Variants in CYP2C19 observed in about 807,000 individuals in gnomAD.
CYP2C19 encodes cytochrome P450 2C19.
Under a neutral mutation model 40.9 loss-of-function variants are expected in CYP2C19, and 59 were observed. The observed-to-expected ratio is 1.44, with a 90% CI of 1.17 to 1.79. The LOEUF is 1.79. CYP2C19 is among the 40% of genes most tolerant of loss of function. The probability of loss-of-function intolerance (pLI) is 0.00; values close to 1 mark genes in which losing one functional copy is unlikely to be tolerated. For missense variants in CYP2C19, 754 were observed against 596.9 expected, an observed-to-expected ratio of 1.26 and a Z score of -2.74; for synonymous variants, 253 against 208.7, an observed-to-expected ratio of 1.21 and a Z score of -1.83.
At chr10:94,784,579 C>T (rs973495584) in intron 5 of CYP2C19, among the ~76,000 whole-genome samples, 1 of 151,942 alleles carries the variant, frequency 6.6e-6, no homozygotes, top group Non-Finnish European at 1.5e-5. Context: ...TATTAAAGCC[C>T]TCCTAGTGAA....
chr10:94,762,921 G>A (rs1339803821), intron 1 of CYP2C19, 48 bp downstream of exon 1: 2 of 1,540,202 alleles, frequency 1.3e-6, no homozygotes, highest in Non-Finnish European at 1.8e-6. Context: ...AAATTCACCT[G>A]TATTTTTTAA....
chr10:94,822,045 G>T (rs1175724685), intron 6 of CYP2C19, among the ~76,000 whole-genome samples: 1 of 152,040 alleles, frequency 6.6e-6, no homozygotes, highest in Non-Finnish European at 1.5e-5. Flanking sequence ...GGTGGTATTT[G>T]GTTTTCTGTT....
At chr10:94,767,748 T>TCC (rs1848267762) in intron 1 of CYP2C19, among the ~76,000 whole-genome samples, 1 of 152,184 alleles carries the variant, frequency 6.6e-6, no homozygotes, top group South Asian at 2.1e-4. Flanking sequence ...TTAAGTATTT[T>TCC]CCACTGGCTG....
intron 3 of CYP2C19, among the ~76,000 whole-genome samples, chr10:94,777,202 A>G (rs902422809): frequency 1.3e-5 from 2 of 152,198 alleles, no homozygotes; most frequent in African/African-American, 4.8e-5. Context: ...GTAAGAATCA[A>G]TATTGTGAAA....
At chr10:94,820,993 G>A (rs570966817) in intron 6 of CYP2C19, among the ~76,000 whole-genome samples, 3 of 152,298 alleles carry the variant, frequency 2.0e-5, no homozygotes, top group African/African-American at 7.2e-5. Context: ...TGAGGCATGG[G>A]AATCGCTTGA....
intron 6 of CYP2C19, among the ~76,000 whole-genome samples, chr10:94,824,492 A>G (rs963192309): frequency 1.3e-5 from 2 of 152,164 alleles, no homozygotes; most frequent in Non-Finnish European, 2.9e-5. Context: ...GCAGACTCTC[A>G]CACACACAAG....
chr10:94,834,455 A>G (rs1459349452), intron 6 of CYP2C19, among the ~76,000 whole-genome samples: 1 of 151,390 alleles, frequency 6.6e-6, no homozygotes, highest in Non-Finnish European at 1.5e-5. Flanking sequence ...TTTTTGTTGC[A>G]TTGACATTTT....
At chr10:94,770,712 A>G (rs1268724500) in intron 1 of CYP2C19, among the ~76,000 whole-genome samples, 1 of 152,164 alleles carries the variant, frequency 6.6e-6, no homozygotes, top group East Asian at 1.9e-4. Context: ...CGAGGAAAGC[A>G]GAAGGATTTT....
chr10:94,779,034 G>A (rs1003871436), intron 3 of CYP2C19, among the ~76,000 whole-genome samples: 2 of 152,094 alleles, frequency 1.3e-5, no homozygotes, highest in Non-Finnish European at 1.5e-5. Context: ...AACACTGCAT[G>A]TTCTCACTTA....
At chr10:94,767,488 A>T (rs768502455) in intron 1 of CYP2C19, among the ~76,000 whole-genome samples, 1 of 152,204 alleles carries the variant, frequency 6.6e-6, no homozygotes, top group Non-Finnish European at 1.5e-5. Flanking sequence ...AACACAGACC[A>T]ACAAGTATTG....
intron 5 of CYP2C19, among the ~76,000 whole-genome samples, chr10:94,784,904 A>C (rs1345677149): frequency 6.6e-6 from 1 of 152,008 alleles, no homozygotes; most frequent in Non-Finnish European, 1.5e-5. Context: ...TTGTGGTTTT[A>C]ACTTGTATTT....
intron 6 of CYP2C19, among the ~76,000 whole-genome samples, chr10:94,827,981 A>G (rs1218019719): frequency 1.3e-5 from 2 of 151,580 alleles, no homozygotes; most frequent in African/African-American, 4.9e-5. Context: ...GTTTTGAGTG[A>G]GTTTCTTAAT....
chr10:94,781,025 AC>A (rs1161173990), intron 4 of CYP2C19, among the ~76,000 whole-genome samples: 1 of 152,070 alleles, frequency 6.6e-6, no homozygotes, highest in African/African-American at 2.4e-5. Context: ...CCTTCAATTC[AC>A]ACTTTGTCAT....
intron 5 of CYP2C19, among the ~76,000 whole-genome samples, chr10:94,790,309 C>T (rs1327609918): frequency 6.6e-6 from 1 of 152,104 alleles, no homozygotes; most frequent in African/African-American, 2.4e-5. Context: ...AATTTGACTT[C>T]CTCTTTTCCT....
chr10:94,853,509 T>G lies in CYP2C19; in HGVS notation c.*595T>G, dbSNP rs986290374. On this transcript the variant is annotated 3_prime_UTR_variant, in exon 9 of 9. Coordinates refer to ENST00000371321, the MANE Select transcript of CYP2C19 (RefSeq NM_000769.4). ...GGGAAATATTCAGAGGATCAGGTAT[T>G]GGGAGGAATGGATATTAAATGTTCC... Among the ~76,000 whole-genome samples, 41 of 150,806 alleles carry G rather than the reference T, an allele frequency of 2.7e-4. No individual in the cohort carries two copies. The highest frequency in any genetic ancestry group is 5.4e-4 in the Non-Finnish European group (37 of 67,924).
At chr10:94,776,625 C>T (rs557266894) in intron 3 of CYP2C19, among the ~76,000 whole-genome samples, 2 of 152,122 alleles carry the variant, frequency 1.3e-5, no homozygotes, top group South Asian at 4.1e-4. Context: ...AATTTGGAAG[C>T]TCTTTAAATA....
At position 94,845,037 on chromosome 10, in the gene CYP2C19, T is replaced by G. The variant is rs1296722003; in HGVS notation, c.1149+2013T>G. 2.6e-5 allele frequency among the ~76,000 whole-genome samples: 4 copies of G among 152,102 alleles called. No individual in the cohort carries two copies. In the East Asian group the frequency reaches 7.7e-4, roughly 29 times the overall value. Reference sequence around the variant, plus strand: ...GAGCGCAAGGAAATCACCCACTGAATCCCTTCTTCATGGAACAGCCTATAG... The same window carrying G: ...GAGCGCAAGGAAATCACCCACTGAAGCCCTTCTTCATGGAACAGCCTATAG... On this transcript the variant is annotated intron_variant, in intron 7 of 8. Coordinates refer to ENST00000371321, the MANE Select transcript of CYP2C19 (RefSeq NM_000769.4).
chr10:94,849,629 C>G (rs1431099110), intron 7 of CYP2C19, among the ~76,000 whole-genome samples: 1 of 111,446 alleles, frequency 9.0e-6, no homozygotes. Context: ...TATCCCTCCC[C>G]CCTCCCCCCA....
At chr10:94,804,962 A>G (rs1745494423) in intron 5 of CYP2C19, among the ~76,000 whole-genome samples, 1 of 152,096 alleles carries the variant, frequency 6.6e-6, no homozygotes, top group Admixed American at 6.6e-5. Flanking sequence ...TGTGTATTGT[A>G]TGAGATTTTT....
Sources: gnomAD v4.1 joint callset for allele counts (sites outside exome capture counted in the v4.1 genomes callset) on GRCh38, gnomAD v4.1.1 for gene constraint, MANE v1.5 for transcripts, NCBI Gene and HGNC (gene_info 2026-07-23, HGNC 2026-07-21) for gene names.